Variants in SLITRK2 observed in about 807,000 individuals in gnomAD.
SLITRK2 encodes the protein SLIT and NTRK-like protein 2.
SLITRK2 carries 13 observed loss-of-function variants against 35.4 expected under a neutral mutation model. The ratio of observed to expected loss-of-function variants is 0.37; its 90% CI spans 0.24 to 0.58. The LOEUF is 0.58. Ranked by LOEUF, SLITRK2 falls within the 20% of genes least tolerant of loss-of-function variation. The probability of loss-of-function intolerance (pLI) is 0.75; values close to 1 mark genes in which losing one functional copy is unlikely to be tolerated. For missense variants in SLITRK2, 471 were observed against 634.3 expected (o/e 0.74, Z 2.76); for synonymous variants, 294 against 264.7 (o/e 1.11, Z -1.07).
In SLITRK2 at chrX:145,828,792, T is replaced by C. The variant is rs2073148604; in HGVS notation, c.*3829T>C. On this transcript the variant is annotated 3_prime_UTR_variant, in exon 5 of 5. Transcript: ENST00000335565. ...GCTTAGTCTAACATCTCTTTAGAATTACACAGCTAAAAAGGAAAAAAAACA... is the reference window on the plus strand; with the variant it reads ...GCTTAGTCTAACATCTCTTTAGAATCACACAGCTAAAAAGGAAAAAAAACA... 1 of 122,707 alleles carries C rather than the reference T, an allele frequency of 8.1e-6. No homozygotes were observed. The highest frequency in any genetic ancestry group is 1.9e-5 in the Non-Finnish European group (1 of 53,145). The allele number at this position is 122,707 out of a possible 1,213,427, so 10.1% of individuals were successfully genotyped here. A position where few individuals can be genotyped will look rare whatever the true frequency, so the allele number is the denominator to read the frequency against.
In SLITRK2 at chrX:145,822,665, C is replaced by T. The variant is rs2073043829; in HGVS notation, c.240C>T (p.Asn80=). Residue 80 remains asparagine, a synonymous_variant, in exon 5 of 5, where the codon AAC becomes AAT. Transcript: ENST00000335565. ...ACCTCTTGACAAGACTGTATCCAAA[C>T]GAATTTGTCAATTACTCCAACGCGG... ...NGNLLTRLYP[N]EFVNYSNAVT... The T allele has an allele frequency of 5.8e-6, 7 of 1,211,707 alleles. No individual in the cohort carries two copies. Among genetic ancestry groups the T allele is most frequent in the Non-Finnish European group, 7.8e-6 (7 of 895,554 alleles).
chrX:145,822,295 A>ACTCCGC (rs1283188801), intron 4 of SLITRK2, 88 bp from the exon 5 acceptor site: 1 of 513,572 alleles, frequency 1.9e-6, no homozygotes, highest in African/African-American at 2.4e-5. Flanking sequence ...CCTCGCTCCC[A>ACTCCGC]CTCCGCCTCC....
In SLITRK2 at chrX:145,822,906, A is replaced by C; in HGVS notation, c.481A>C (p.Lys161Gln). 2 of 1,211,519 alleles carry C rather than the reference A, an allele frequency of 1.7e-6. No homozygotes were observed. Among genetic ancestry groups the C allele is most frequent in the Non-Finnish European group, 2.2e-6 (2 of 895,453 alleles). The change falls in exon 5 of 5, where the codon AAA (lysine) becomes CAA (glutamine). Residue 161 changes from lysine (K) to glutamine (Q), a missense_variant. Coordinates refer to ENST00000335565, the MANE Select transcript of SLITRK2 (RefSeq NM_032539.5). ...GGCATTCAGCAAACTTAACAAGCTC[A>C]AAGTGCTCATCCTGAATGACAACCT... ...AGAFSKLNKLKVLILNDNLLL... is the reference protein window; with the variant it reads ...AGAFSKLNKLQVLILNDNLLL...
In SLITRK2 at chrX:145,824,490, C is replaced by T. The variant is rs143223975; in HGVS notation, c.2065C>T (p.Pro689Ser). ...KTDGHVYNYI[P>S]PPVGQMCQNP... ...AGACGGCCATGTCTACAACTATATC[C>T]CCCCACCTGTGGGTCAGATGTGCCA... Residue 689 changes from proline to serine, a missense_variant, in exon 5 of 5, where the codon CCC (proline) becomes TCC (serine). This residue lies in a region of SLITRK2 where 190 missense variants were observed against 199.3 expected (regional missense o/e 0.95). Coordinates refer to ENST00000335565, the MANE Select transcript of SLITRK2 (RefSeq NM_032539.5). The T allele has an allele frequency of 5.5e-5, 67 of 1,209,094 alleles. No individual in the cohort carries two copies. The African/African-American group carries it at 1.1e-3, about 21-fold the overall frequency.
At chrX:145,820,688 G>A (rs1369124954) in intron 2 of SLITRK2, 152 bp downstream of exon 2, 2 of 111,989 alleles carry the variant, frequency 1.8e-5, no homozygotes, top group African/African-American at 6.5e-5. Flanking sequence ...ACTCCCAGCT[G>A]AGGCTCAGCC....
At position 145,829,844 on chromosome X, in the gene SLITRK2, T is replaced by C. The variant is rs1556946460; in HGVS notation, c.*4881T>C. On this transcript the variant is annotated 3_prime_UTR_variant, in exon 5 of 5. Transcript: ENST00000335565. ...TAGACTTCTGTGCCTAATAGTGACA[T>C]TGTTTCAAAAAATAAATGTCATATT... 1 of 123,432 alleles carries C rather than the reference T, an allele frequency of 8.1e-6. No individual in the cohort carries two copies. The highest frequency in any genetic ancestry group is 1.9e-5 in the Non-Finnish European group (1 of 53,328). The allele number at this position is 123,432 out of a possible 1,213,427, so 10.2% of individuals were successfully genotyped here.
Position 145,829,349 on chromosome X carries a change from CT to C in SLITRK2, c.*4389del, listed in dbSNP as rs782655690. 2.4e-3 allele frequency: 302 copies of C among 123,698 alleles called. 2 individuals carry two copies. Among genetic ancestry groups the C allele is most frequent in the African/African-American group, 9.2e-3 (285 of 30,952 alleles). The allele number at this position is 123,698 out of a possible 1,213,427, so 10.2% of individuals were successfully genotyped here. A position where few individuals can be genotyped will look rare whatever the true frequency, so the allele number is the denominator to read the frequency against. ...TGTATGTTTGGATTTTCAATATCGA[CT>C]TTGCTTAAAACAGAGCCCACCTGCA... On this transcript the variant is annotated 3_prime_UTR_variant, in exon 5 of 5. Transcript: ENST00000335565.
chrX:145,826,459 ACTTTCATTTTGGTGTTAG>A lies in SLITRK2; in HGVS notation c.*1498_*1515del, dbSNP rs1193384747. 1 of 112,026 alleles carries A rather than the reference ACTTTCATTTTGGTGTTAG, an allele frequency of 8.9e-6. No individual in the cohort carries two copies. Among genetic ancestry groups the A allele is most frequent in the East Asian group, 2.8e-4 (1 of 3,585 alleles). 9.2% of individuals were successfully genotyped at this position (112,026 alleles called of 1,213,427 possible). A position where few individuals can be genotyped will look rare whatever the true frequency, so the allele number is the denominator to read the frequency against. On this transcript the variant is annotated 3_prime_UTR_variant, in exon 5 of 5. Transcript: ENST00000335565. ...AGTTTTCCTTGTCAGCTTGAGCAAG[ACTTTCATTTTGGTGTTAG>A]CATTAAAATGATTTTAATTAGCCAA...
intron 1 of SLITRK2, chrX:145,818,618 G>C: frequency 8.9e-6 from 1 of 112,652 alleles, no homozygotes; most frequent in Non-Finnish European, 1.9e-5. Flanking sequence ...TAGCCCCCTC[G>C]TGGCCTGATG....
chrX:145,823,055 G>A lies in SLITRK2; in HGVS notation c.630G>A (p.Glu210=), dbSNP rs781808263. 1.4e-5 allele frequency: 17 copies of A among 1,209,555 alleles called. No homozygotes were observed. In the African/African-American group the frequency reaches 2.6e-4, roughly 19 times the overall value. ...GVLEHIGGIM[E]IQLEENPWNC... ...TTGAACATATTGGAGGGATCATGGAGATTCAGCTGGAGGAAAATCCATGGA... is the reference window on the plus strand; with the variant it reads ...TTGAACATATTGGAGGGATCATGGAAATTCAGCTGGAGGAAAATCCATGGA... Residue 210 remains glutamate, a synonymous_variant, in exon 5 of 5, where the codon GAG becomes GAA. Coordinates refer to ENST00000335565, the MANE Select transcript of SLITRK2 (RefSeq NM_032539.5).
chrX:145,819,000 A>G (rs2072942494), intron 1 of SLITRK2: 1 of 111,556 alleles, frequency 9.0e-6, no homozygotes, highest in Non-Finnish European at 1.9e-5. Context: ...TGGACTCTCA[A>G]GGACAGGCAG....
At position 145,829,382 on chromosome X, in the gene SLITRK2, C is replaced by G. The variant is rs782438069; in HGVS notation, c.*4419C>G. On this transcript the variant is annotated 3_prime_UTR_variant, in exon 5 of 5. Transcript: ENST00000335565. ...AAAACAGAGCCCACCTGCATAGTAACTGTGTTTTGCCAAGGCTGCTTGTGC... is the reference window on the plus strand; with the variant it reads ...AAAACAGAGCCCACCTGCATAGTAAGTGTGTTTTGCCAAGGCTGCTTGTGC... 3 of 123,517 alleles carry G rather than the reference C, an allele frequency of 2.4e-5. No homozygotes were observed. The highest frequency in any genetic ancestry group is 5.6e-5 in the Non-Finnish European group (3 of 53,377). The allele number at this position is 123,517 out of a possible 1,213,427, so 10.2% of individuals were successfully genotyped here.
chrX:145,822,213 G>A, intron 4 of SLITRK2, 60 bp downstream of exon 4: 1 of 404,287 alleles, frequency 2.5e-6, no homozygotes, highest in Non-Finnish European at 4.2e-6. Context: ...GGGGAATAGG[G>A]AGCGGAGAAA....
In SLITRK2 at chrX:145,823,326, G is replaced by A. The variant is rs147958198; in HGVS notation, c.901G>A (p.Ala301Thr). The A allele has an allele frequency of 1.7e-6, 2 of 1,209,325 alleles. No individual in the cohort carries two copies. Among genetic ancestry groups the A allele is most frequent in the Non-Finnish European group, 2.2e-6 (2 of 895,049 alleles). Residue 301 changes from alanine to threonine, a missense_variant, in exon 5 of 5, where the codon GCC becomes ACC. By Grantham distance (58) the Ala-to-Thr change is moderately conservative (BLOSUM62 0). Around this residue, in one of 7 missense-constraint regions of SLITRK2, gnomAD observed 56 missense variants for 48.7 expected, o/e 1.15. Transcript: ENST00000335565. The stretch of plus-strand genomic sequence containing the variant: ...TCTCAACCCAACCAGGGCTCCGAAA[G>A]CCAGCCGGCCGCCCAAAATGAGAAA... Reference protein sequence around the residue: ...PALNPTRAPKASRPPKMRNRP... With the variant: ...PALNPTRAPKTSRPPKMRNRP...
At chrX:145,818,675 G>C (rs781954422) in intron 1 of SLITRK2, 2 of 112,853 alleles carry the variant, frequency 1.8e-5, no homozygotes, top group African/African-American at 6.4e-5. Context: ...CACCCACCGT[G>C]TCCTGTGGAA....
At position 145,823,101 on chromosome X, in the gene SLITRK2, C is replaced by A; in HGVS notation, c.676C>A (p.Pro226Thr). 8.3e-7 allele frequency: 1 copy of A among 1,211,088 alleles called. No homozygotes were observed. The highest frequency in any genetic ancestry group is 1.1e-6 in the Non-Finnish European group (1 of 895,130). Residue 226 changes from proline to threonine, a missense_variant, in exon 5 of 5, where the codon CCT (proline) becomes ACT (threonine). Physicochemically the swap from Pro to Thr is conservative, Grantham distance 38. This residue lies in a region of SLITRK2 where 17 missense variants were observed against 17.4 expected (regional missense o/e 0.98). Transcript: ENST00000335565. ...ATGGAATTGCACTTGTGACTTACTT[C>A]CTCTCAAGGCCTGGCTAGACACCAT... is the stretch of plus-strand genomic sequence containing the variant. Reference protein sequence around the residue: ...NPWNCTCDLLPLKAWLDTITV... With the variant: ...NPWNCTCDLLTLKAWLDTITV...
rs1603137228 is a variant in SLITRK2 at position 145,823,307 on chromosome X, C to T, written c.882C>T (p.Asn294=). Residue 294 remains asparagine, a synonymous_variant, in exon 5 of 5, where the codon AAC becomes AAT. Transcript: ENST00000335565. ...RLSPTMNPAL[N]PTRAPKASRP... ...CACCTACAATGAATCCTGCTCTCAA[C>T]CCAACCAGGGCTCCGAAAGCCAGCC... The T allele has an allele frequency of 1.7e-6, 2 of 1,211,595 alleles. No homozygotes were observed. The highest frequency in any genetic ancestry group is 2.2e-5 in the Admixed American group (1 of 46,050).
intron 2 of SLITRK2, 145 bp downstream of exon 2, chrX:145,820,681 C>T (rs2072986825): frequency 8.9e-6 from 1 of 112,049 alleles, no homozygotes; most frequent in Admixed American, 9.4e-5. Flanking sequence ...GGCTCCCACT[C>T]CCAGCTGAGG....
rs2124220068 is a variant in SLITRK2, at chrX:145,825,129, G to A, written c.*166G>A. On this transcript the variant is annotated 3_prime_UTR_variant, in exon 5 of 5. Coordinates refer to ENST00000335565, the MANE Select transcript of SLITRK2 (RefSeq NM_032539.5). ...TGAAGTCATGATTTTGCTTTTGCAA[G>A]TTTTCCTTTAAATTATTTCTCTCTC... 2.8e-6 allele frequency: 1 copy of A among 361,745 alleles called. No homozygotes were observed. The highest frequency in any genetic ancestry group is 6.5e-5 in the East Asian group (1 of 15,344). 29.8% of individuals were successfully genotyped at this position (361,745 alleles called of 1,213,427 possible). A position where few individuals can be genotyped will look rare whatever the true frequency, so the allele number is the denominator to read the frequency against.
Sources: gnomAD v4.1 joint callset for allele counts on GRCh38, gnomAD v4.1.1 for gene constraint, gnomAD v4.1.1 regional missense constraint, MANE v1.5 for transcripts, NCBI Gene and HGNC (gene_info 2026-07-23, HGNC 2026-07-21) for gene names.